The following FCHSD2 variants were observed in gnomAD, a reference collection of about 807,000 sequenced individuals.
The protein encoded by FCHSD2 is FCH and double SH3 domains 2, also known as F-BAR and double SH3 domains protein 2.
FCHSD2 carries 38 observed loss-of-function variants against 108.1 expected under a neutral mutation model. The ratio of observed to expected loss-of-function variants is 0.35; its 90% CI spans 0.27 to 0.46. The LOEUF (loss-of-function observed/expected upper bound fraction) is 0.46, where lower values mean the gene tolerates loss of function less well. Among genes scored for constraint, FCHSD2 ranks in the 20% least tolerant of loss-of-function variants. The pLI is 1.00. For synonymous variants in FCHSD2, 279 were observed against 314.7 expected (o/e 0.89, Z 1.20); for missense variants, 751 against 897.8 (o/e 0.84, Z 2.09).
At chr11:72,862,471 TA>T (rs935386712) in intron 13 of FCHSD2, among the ~76,000 whole-genome samples, 2 of 152,168 alleles carry the variant, frequency 1.3e-5, no homozygotes, top group African/African-American at 2.4e-5. Context: ...AACTGAAATT[TA>T]AAAAATCATT....
intron 8 of FCHSD2, chr11:72,983,818 A>G (rs756023910): frequency 1.1e-5 from 6 of 536,488 alleles, no homozygotes; most frequent in Non-Finnish European, 2.1e-5. Context: ...TATCTTCTAC[A>G]TCAATAACCA....
chr11:72,878,149 T>C (rs955387266), intron 12 of FCHSD2, among the ~76,000 whole-genome samples: 6 of 152,198 alleles, frequency 3.9e-5, no homozygotes, highest in Non-Finnish European at 1.5e-5. Context: ...CATAGTGGCA[T>C]GCAGTTGTAG....
chr11:73,081,365 T>C (rs1859681083), intron 3 of FCHSD2, among the ~76,000 whole-genome samples: 1 of 151,786 alleles, frequency 6.6e-6, no homozygotes, highest in South Asian at 2.1e-4. Context: ...ACTTGGGAGG[T>C]GGAGGGTGCA....
chr11:72,844,190 A>G (rs1591333102), intron 14 of FCHSD2, among the ~76,000 whole-genome samples: 2 of 152,338 alleles, frequency 1.3e-5, no homozygotes, highest in South Asian at 2.1e-4. Context: ...TGATTTGGGA[A>G]GCAAAGGCAA....
At chr11:72,866,038 A>G (rs4944811) in intron 13 of FCHSD2, among the ~76,000 whole-genome samples, 152,178 of 152,276 alleles carry the variant, frequency 1, 76,040 homozygotes, top group Non-Finnish European at 1. Flanking sequence ...CAGATGGTAT[A>G]TGGCCCCTCA....
intron 13 of FCHSD2, among the ~76,000 whole-genome samples, chr11:72,866,758 T>A (rs774960417): frequency 1.3e-5 from 2 of 152,234 alleles, no homozygotes; most frequent in Non-Finnish European, 2.9e-5. Flanking sequence ...GTATTCTCAT[T>A]AGAAAATTAG....
intron 13 of FCHSD2, among the ~76,000 whole-genome samples, chr11:72,855,481 A>C (rs1030381136): frequency 2.0e-5 from 3 of 152,268 alleles, no homozygotes; most frequent in Middle Eastern, 6.8e-3. Flanking sequence ...ATCTCAAAAA[A>C]AAAAGAGTTC....
intron 3 of FCHSD2, among the ~76,000 whole-genome samples, chr11:73,078,084 G>A (rs1007998093): frequency 1.3e-5 from 2 of 152,072 alleles, no homozygotes; most frequent in African/African-American, 4.8e-5. Flanking sequence ...ATTATGACTT[G>A]TACTCTTCTC....
Position 72,868,044 on chromosome 11 carries a change from T to C in FCHSD2, c.1147-18A>G, listed in dbSNP as rs1854768870. On this transcript the variant is annotated intron_variant, in intron 12 of 19. Coordinates refer to ENST00000409418, the MANE Select transcript of FCHSD2 (RefSeq NM_014824.3). Reference sequence around the variant, plus strand: ...TTAATTATCTAGAGAACCAAGAAAATGGTCGGAAATCAAGGCTTTTATTAT... The same window carrying C: ...TTAATTATCTAGAGAACCAAGAAAACGGTCGGAAATCAAGGCTTTTATTAT... 2 of 1,545,872 alleles carry C rather than the reference T, an allele frequency of 1.3e-6. No individual in the cohort carries two copies. The highest frequency in any genetic ancestry group is 4.0e-5 in the Admixed American group (2 of 49,510).
chr11:72,953,440 T>C (rs1295975410), intron 8 of FCHSD2, among the ~76,000 whole-genome samples: 2 of 152,222 alleles, frequency 1.3e-5, no homozygotes, highest in Non-Finnish European at 2.9e-5. Flanking sequence ...TATTTGACAC[T>C]AGTACTCCTT....
At chr11:73,073,912 C>T (rs892280440) in intron 3 of FCHSD2, among the ~76,000 whole-genome samples, 4 of 151,942 alleles carry the variant, frequency 2.6e-5, no homozygotes, top group African/African-American at 9.7e-5. Flanking sequence ...CCTAAATTGA[C>T]TTAAAGATTC....
In FCHSD2 at chr11:72,880,884, AAAC is replaced by A. The variant is rs944564985; in HGVS notation, c.1146+6583_1146+6585del. On this transcript the variant is annotated intron_variant, in intron 12 of 19. Transcript: ENST00000409418. ...CCCTGTCTCGAAAAAAAAAAAAAGA[AAAC>A]AACAACAACAACAACAAACAAACAC... 9.2e-5 allele frequency among the ~76,000 whole-genome samples: 14 copies of A among 151,746 alleles called. No homozygotes were observed. In the East Asian group the frequency reaches 1.4e-3, roughly 15 times the overall value.
At chr11:73,027,276 A>G (rs1175617911) in intron 3 of FCHSD2, among the ~76,000 whole-genome samples, 1 of 152,158 alleles carries the variant, frequency 6.6e-6, no homozygotes, top group Non-Finnish European at 1.5e-5. Flanking sequence ...GAGGGAGAAG[A>G]GGAACTTATT....
At chr11:72,996,410 A>G (rs1857520307) in intron 5 of FCHSD2, among the ~76,000 whole-genome samples, 1 of 152,222 alleles carries the variant, frequency 6.6e-6, no homozygotes, top group African/African-American at 2.4e-5. Flanking sequence ...TGGTAAGTAA[A>G]CTCTAGTATA....
intron 8 of FCHSD2, among the ~76,000 whole-genome samples, chr11:72,938,665 G>C (rs536475536): frequency 4.0e-5 from 6 of 151,404 alleles, no homozygotes; most frequent in Admixed American, 2.0e-4. Context: ...GTCTGGAGAG[G>C]GTCAATTTTC....
intron 3 of FCHSD2, among the ~76,000 whole-genome samples, chr11:73,073,623 G>C (rs777704925): frequency 6.6e-6 from 1 of 152,000 alleles, no homozygotes; most frequent in Non-Finnish European, 1.5e-5. Flanking sequence ...CCTCACAAAC[G>C]CTCAATCTTT....
At chr11:72,897,988 T>C (rs1591378917) in intron 10 of FCHSD2, among the ~76,000 whole-genome samples, 1 of 152,314 alleles carries the variant, frequency 6.6e-6, no homozygotes, top group East Asian at 1.9e-4. Flanking sequence ...AATCAGTAAC[T>C]CTCTTATGGA....
chr11:72,867,068 G>A (rs957191186), intron 13 of FCHSD2, among the ~76,000 whole-genome samples: 1 of 152,170 alleles, frequency 6.6e-6, no homozygotes, highest in African/African-American at 2.4e-5. Context: ...TAGAGAGGAA[G>A]ACAACAATAA....
chr11:73,137,256 A>G (rs575524326), intron 2 of FCHSD2, among the ~76,000 whole-genome samples: 38 of 152,122 alleles, frequency 2.5e-4, no homozygotes, highest in African/African-American at 8.4e-4. Context: ...ACGGTATCCT[A>G]TTTACAACTC....
Sources: gnomAD v4.1 joint callset for allele counts (sites outside exome capture counted in the v4.1 genomes callset) on GRCh38, gnomAD v4.1.1 for gene constraint, MANE v1.5 for transcripts, NCBI Gene and HGNC (gene_info 2026-07-23, HGNC 2026-07-21) for gene names.